The following TIAM1 variants were observed in gnomAD, a reference collection of about 807,000 sequenced individuals.
The protein encoded by TIAM1 is TIAM Rac1 associated GEF 1.
Under a neutral mutation model 163.5 loss-of-function variants are expected in TIAM1, and 65 were observed. The observed-to-expected ratio is 0.40, with a 90% confidence interval of 0.33 to 0.49. TIAM1 has a LOEUF of 0.49. Ranked by LOEUF, TIAM1 falls within the 20% of genes least tolerant of loss-of-function variation. The probability of loss-of-function intolerance (pLI) is 0.77; values close to 1 mark genes in which losing one functional copy is unlikely to be tolerated. For synonymous variants in TIAM1, 833 were observed against 810.1 expected, an observed-to-expected ratio of 1.03 and a Z score of -0.48; for missense variants, 1,789 against 2,044.7, an observed-to-expected ratio of 0.87 and a Z score of 2.41.
intron 5 of TIAM1, among the ~76,000 whole-genome samples, chr21:31,249,170 G>A (rs569619170): frequency 1.7e-3 from 265 of 152,214 alleles, no homozygotes; most frequent in Middle Eastern, 3.4e-3. Flanking sequence ...AGGTAATTAC[G>A]ATAATATGAG....
intron 1 of TIAM1, among the ~76,000 whole-genome samples, chr21:31,499,334 C>CA (rs2046771151): frequency 6.6e-6 from 1 of 151,918 alleles, no homozygotes; most frequent in African/African-American, 2.4e-5. Context: ...CTGAGGTGGA[C>CA]AAATCACTTG....
Position 31,189,610 on chromosome 21 carries a change from A to G in TIAM1, c.2576-2523T>C, listed in dbSNP as rs144452140. Among the ~76,000 whole-genome samples, 813 of 152,256 alleles carry G rather than the reference A, an allele frequency of 5.3e-3. 16 individuals are homozygous for G. The highest frequency in any genetic ancestry group is 0.046 in the South Asian group (222 of 4,824). ...GAAAGCCAAAAATTTACAAAAGTGA[A>G]TAGCACATTAGCTCTGTACTGGAAT... is the stretch of plus-strand genomic sequence containing the variant. On this transcript the variant is annotated intron_variant, in intron 13 of 27. Transcript: ENST00000541036.
At chr21:31,202,807 T>C in intron 12 of TIAM1, 101 bp downstream of exon 12, 1 of 1,134,812 alleles carries the variant, frequency 8.8e-7, no homozygotes, top group South Asian at 1.4e-5. Flanking sequence ...TCATTTATTT[T>C]TGAACTCGTT....
chr21:31,197,539 C>CTTTTTTTTTTTTTTTT (rs58141765), intron 12 of TIAM1, among the ~76,000 whole-genome samples: 3 of 123,254 alleles, frequency 2.4e-5, no homozygotes, highest in East Asian at 2.7e-4. Flanking sequence ...CCGCGCCCGG[C>CTTTTTTTTTTTTTTTT]TTTTTTTTTT....
intron 1 of TIAM1, among the ~76,000 whole-genome samples, chr21:31,489,219 C>A (rs2046374041): frequency 6.6e-6 from 1 of 150,686 alleles, no homozygotes; most frequent in Admixed American, 6.7e-5. Flanking sequence ...ATTTTTGCAA[C>A]CTTGGCCAGG....
intron 2 of TIAM1, among the ~76,000 whole-genome samples, chr21:31,382,676 G>C (rs2076797949): frequency 6.6e-6 from 1 of 152,156 alleles, no homozygotes; most frequent in Non-Finnish European, 1.5e-5. Flanking sequence ...TTATAAAACA[G>C]ATTTTTTTAA....
chr21:31,138,334 T>C (rs2082704624), intron 22 of TIAM1, among the ~76,000 whole-genome samples: 1 of 152,218 alleles, frequency 6.6e-6, no homozygotes, highest in Admixed American at 6.5e-5. Flanking sequence ...CCTATTTGCC[T>C]TCAGAGATAT....
In TIAM1 at chr21:31,407,045, C is replaced by T. The variant is rs561495290; in HGVS notation, c.-369+56938G>A. 7.2e-5 allele frequency among the ~76,000 whole-genome samples: 11 copies of T among 152,222 alleles called. No individual in the cohort carries two copies. The East Asian group carries it at 1.9e-3, about 27-fold the overall frequency. ...TTCCCATGAGCAAGGGAAGGATTCCCGGGAAAGTGACAGCTCTCACTAGGA... is the reference window on the plus strand; with the variant it reads ...TTCCCATGAGCAAGGGAAGGATTCCTGGGAAAGTGACAGCTCTCACTAGGA... On this transcript the variant is annotated intron_variant, in intron 2 of 28. Coordinates refer to the TIAM1 transcript ENST00000286827.
chr21:31,493,041 C>A (rs1344454953), intron 1 of TIAM1, among the ~76,000 whole-genome samples: 1 of 151,872 alleles, frequency 6.6e-6, no homozygotes. Flanking sequence ...TCTCAGATAT[C>A]TCCAGTGCTT....
chr21:31,273,317 A>C (rs1439979281), intron 3 of TIAM1, among the ~76,000 whole-genome samples: 2 of 152,040 alleles, frequency 1.3e-5, no homozygotes, highest in Non-Finnish European at 2.9e-5. Context: ...CTTAGAGAAA[A>C]GAGAACTGGA....
At chr21:31,327,137 C>T (rs554632808) in intron 2 of TIAM1, among the ~76,000 whole-genome samples, 2 of 152,102 alleles carry the variant, frequency 1.3e-5, no homozygotes. Context: ...AAAAGACGGT[C>T]GAATCTGCTC....
intron 13 of TIAM1, among the ~76,000 whole-genome samples, chr21:31,191,763 T>C (rs952758037): frequency 2.0e-5 from 3 of 152,228 alleles, no homozygotes; most frequent in Non-Finnish European, 2.9e-5. Context: ...AAATGGGTTC[T>C]GTGAGTAATT....
At chr21:31,448,509 G>A (rs993881561) in intron 2 of TIAM1, among the ~76,000 whole-genome samples, 26 of 151,884 alleles carry the variant, frequency 1.7e-4, no homozygotes, top group Non-Finnish European at 3.1e-4. Context: ...AGGAGGCTGA[G>A]GGACGAGAAT....
At chr21:31,503,328 G>T (rs1380231087) in intron 1 of TIAM1, among the ~76,000 whole-genome samples, 1 of 151,034 alleles carries the variant, frequency 6.6e-6, no homozygotes, top group Non-Finnish European at 1.5e-5. Flanking sequence ...CCGGGAGGTG[G>T]AGGTTGCAGT....
chr21:31,346,491 G>A (rs1358356567), upstream of TIAM1, among the ~76,000 whole-genome samples: 1 of 152,196 alleles, frequency 6.6e-6, no homozygotes, highest in Non-Finnish European at 1.5e-5. Context: ...GAATCTGGAT[G>A]AAAACAATCA....
At chr21:31,494,780 T>C (rs546131034) in intron 1 of TIAM1, among the ~76,000 whole-genome samples, 206 of 152,094 alleles carry the variant, frequency 1.4e-3, no homozygotes, top group African/African-American at 4.8e-3. Flanking sequence ...GAGGCAGAGA[T>C]TGCAATAAGC....
intron 6 of TIAM1, among the ~76,000 whole-genome samples, chr21:31,244,109 T>C (rs2071369330): frequency 6.6e-6 from 1 of 152,232 alleles, no homozygotes; most frequent in Admixed American, 6.5e-5. Context: ...TGTGCACTCT[T>C]CTTTCTGTGT....
intron 16 of TIAM1, among the ~76,000 whole-genome samples, chr21:31,155,045 A>G (rs1216499207): frequency 1.3e-5 from 2 of 152,242 alleles, no homozygotes; most frequent in Non-Finnish European, 2.9e-5. Context: ...TCCAAAGGCA[A>G]AAAGATACCA....
chr21:31,548,436 A>G (rs2048572329), intron 1 of TIAM1, among the ~76,000 whole-genome samples: 1 of 150,838 alleles, frequency 6.6e-6, no homozygotes, highest in South Asian at 2.1e-4. Flanking sequence ...CCACCGTGCC[A>G]GGCCATCTGT....
Sources: gnomAD v4.1 joint callset for allele counts (sites outside exome capture counted in the v4.1 genomes callset) on GRCh38, gnomAD v4.1.1 for gene constraint, MANE v1.5 for transcripts, NCBI Gene and HGNC (gene_info 2026-07-23, HGNC 2026-07-21) for gene names.